POU2AF2: variants seen among roughly 807,000 people sequenced by gnomAD.
POU2AF2 encodes the protein POU class 2 homeobox associating factor 2.
chr11:111,278,540 G>T, the POU2AF2 span, among the ~76,000 whole-genome samples: 3 of 148,792 alleles, frequency 2.0e-5, no homozygotes, highest in African/African-American at 7.7e-5. Flanking sequence ...ACACCAGAGA[G>T]ATGATCTCTC....
the POU2AF2 span, among the ~76,000 whole-genome samples, chr11:111,263,770 G>A: frequency 2.0e-5 from 3 of 152,080 alleles, no homozygotes; most frequent in South Asian, 4.1e-4. Flanking sequence ...ACAGCATAGC[G>A]AAGAGTTTGG....
chr11:111,280,057 A>AAAATATATAT, the POU2AF2 span, among the ~76,000 whole-genome samples: 2 of 76,498 alleles, frequency 2.6e-5, no homozygotes, highest in African/African-American at 1.0e-4. Context: ...AAAAAAAAAA[A>AAAATATATAT]ATATATATAT....
At chr11:111,260,851 C>A in the POU2AF2 span, among the ~76,000 whole-genome samples, 1 of 152,222 alleles carries the variant, frequency 6.6e-6, no homozygotes, top group African/African-American at 2.4e-5. Context: ...TGTCCCCCGC[C>A]GGATAGGCAT....
chr11:111,269,191 A>T, the POU2AF2 span, among the ~76,000 whole-genome samples: 1 of 113,894 alleles, frequency 8.8e-6, no homozygotes, highest in South Asian at 3.8e-4. Context: ...ACGAGCCTAC[A>T]AAGAATTTAA....
chr11:111,276,439 G>GAAAAAAAAAAAA, the POU2AF2 span, among the ~76,000 whole-genome samples: 21 of 44,442 alleles, frequency 4.7e-4, no homozygotes, highest in South Asian at 2.0e-3. Context: ...CTACTAAAAA[G>GAAAAAAAAAAAA]AAAAAAAAAA....
the POU2AF2 span, among the ~76,000 whole-genome samples, chr11:111,256,565 C>G: frequency 2.0e-5 from 3 of 152,226 alleles, no homozygotes; most frequent in South Asian, 4.1e-4. Context: ...TGCCGGGAAC[C>G]AGTCATGTGG....
chr11:111,285,584 G>T, the POU2AF2 span: 3 of 1,527,240 alleles, frequency 2.0e-6, no homozygotes, highest in Middle Eastern at 3.4e-4. Context: ...GCCACAGTCT[G>T]GCAGCACACA....
chr11:111,280,296 T>C, the POU2AF2 span, among the ~76,000 whole-genome samples: 1 of 151,990 alleles, frequency 6.6e-6, no homozygotes, highest in African/African-American at 2.4e-5. Flanking sequence ...ACAGTAAACA[T>C]TGAAGTGGCC....
At chr11:111,284,267 G>T in the POU2AF2 span, 4 of 1,614,016 alleles carry the variant, frequency 2.5e-6, no homozygotes, top group South Asian at 4.4e-5. Flanking sequence ...GCCCTACGGA[G>T]ACTACCGGCC....
chr11:111,274,988 A>C, the POU2AF2 span, among the ~76,000 whole-genome samples: 14,224 of 152,254 alleles, frequency 0.093, 919 homozygotes, highest in Middle Eastern at 0.19. Flanking sequence ...GGTCGTGAGA[A>C]TTAAATGAGA....
chr11:111,253,864 C>G, the POU2AF2 span, among the ~76,000 whole-genome samples: 13 of 152,110 alleles, frequency 8.5e-5, no homozygotes, highest in Non-Finnish European at 2.9e-5. Flanking sequence ...TGCTGTCTTC[C>G]TACCTATTTT....
At chr11:111,277,682 A>G in the POU2AF2 span, among the ~76,000 whole-genome samples, 35,448 of 152,060 alleles carry the variant, frequency 0.23, 5,035 homozygotes, top group Admixed American at 0.33. Flanking sequence ...TCCTGGCCCC[A>G]GCCTTGGCCA....
At chr11:111,270,800 A>G in the POU2AF2 span, among the ~76,000 whole-genome samples, 25 of 152,160 alleles carry the variant, frequency 1.6e-4, no homozygotes, top group African/African-American at 5.8e-4. Flanking sequence ...ATGGGAGAGT[A>G]TCAGCCCTTG....
At chr11:111,253,325 G>C in the POU2AF2 span, among the ~76,000 whole-genome samples, 1 of 152,168 alleles carries the variant, frequency 6.6e-6, no homozygotes, top group South Asian at 2.1e-4. Context: ...CAGTATGCCA[G>C]GTGCTCATTA....
chr11:111,278,556 G>GTCTCTC, the POU2AF2 span, among the ~76,000 whole-genome samples: 50 of 148,452 alleles, frequency 3.4e-4, no homozygotes, highest in Admixed American at 9.4e-4. Flanking sequence ...CTCTCTCTCT[G>GTCTCTC]TCTCTCTCTC....
At chr11:111,269,489 T>C in the POU2AF2 span, among the ~76,000 whole-genome samples, 7 of 152,188 alleles carry the variant, frequency 4.6e-5, no homozygotes, top group Admixed American at 2.0e-4. Flanking sequence ...AAGCAACTTA[T>C]TTTTTCAGCT....
the POU2AF2 span, among the ~76,000 whole-genome samples, chr11:111,266,291 G>A: frequency 9.2e-5 from 14 of 152,166 alleles, no homozygotes; most frequent in East Asian, 1.9e-4. Context: ...TGTTTCCCCC[G>A]CTGGGTGCAG....
chr11:111,253,251 T>G, the POU2AF2 span, among the ~76,000 whole-genome samples: 2 of 152,158 alleles, frequency 1.3e-5, no homozygotes, highest in African/African-American at 4.8e-5. Flanking sequence ...CAGAAATCAG[T>G]GTTATAGGCA....
the POU2AF2 span, among the ~76,000 whole-genome samples, chr11:111,280,057 A>ATATATATATATAT: frequency 1.2e-3 from 92 of 76,444 alleles, no homozygotes; most frequent in South Asian, 2.7e-3. Flanking sequence ...AAAAAAAAAA[A>ATATATATATATAT]ATATATATAT....
Sources: gnomAD v4.1 joint callset for allele counts (sites outside exome capture counted in the v4.1 genomes callset) on GRCh38, gnomAD v4.1.1 for gene constraint, MANE v1.5 for transcripts, NCBI Gene and HGNC (gene_info 2026-07-23, HGNC 2026-07-21) for gene names.